The following ERMARD variants were observed in gnomAD, a reference collection of about 807,000 sequenced individuals.
ERMARD encodes ER membrane associated RNA degradation.
A neutral mutation model predicts 83.9 loss-of-function variants in ERMARD; 71 were observed. The ratio of observed to expected loss-of-function variants is 0.85; its 90% confidence interval spans 0.70 to 1.03. The LOEUF is 1.03. ERMARD is among the 50% of genes least tolerant of loss of function. The probability of loss-of-function intolerance (pLI) is 0.00; values close to 1 mark genes in which losing one functional copy is unlikely to be tolerated. For missense variants in ERMARD, 838 were observed against 810.9 expected (o/e 1.03, Z -0.41); for synonymous variants, 284 against 298.6 (o/e 0.95, Z 0.50).
At position 169,753,932 on chromosome 6, in the gene ERMARD, G is replaced by C; in HGVS notation, c.75G>C (p.Gly25=). ...TGTATGATATAATTTGTAATCTTGG[G>C]TTTCAACTCAGAGAAAATTGTGATA... ...PSVYDIICNL[G]FQLRENCDIN... Residue 25 remains glycine, a synonymous_variant, in exon 2 of 18, where the codon GGG becomes GGC. Coordinates refer to ENST00000366773, the MANE Select transcript of ERMARD (RefSeq NM_018341.3). The C allele has an allele frequency of 6.2e-7, 1 of 1,613,466 alleles. No homozygotes were observed. Among genetic ancestry groups the C allele is most frequent in the Admixed American group, 1.7e-5 (1 of 59,974 alleles).
intron 17 of ERMARD, among the ~76,000 whole-genome samples, chr6:169,780,986 G>A (rs1794138851): frequency 6.6e-6 from 1 of 152,096 alleles, no homozygotes; most frequent in African/African-American, 2.4e-5. Context: ...TGTTTATTTT[G>A]TGCTGTGTGT....
chr6:169,762,858 A>G (rs1791729743), intron 9 of ERMARD, among the ~76,000 whole-genome samples: 1 of 152,178 alleles, frequency 6.6e-6, no homozygotes, highest in South Asian at 2.1e-4. Context: ...GACTGAGGTG[A>G]CCAGTGGTTG....
intron 15 of ERMARD, 146 bp downstream of exon 15, chr6:169,776,211 A>T: frequency 6.6e-7 from 1 of 1,513,454 alleles, no homozygotes; most frequent in Non-Finnish European, 9.0e-7. Context: ...GAATTATGAG[A>T]TAAGTTTTGA....
intron 8 of ERMARD, 74 bp from the exon 9 acceptor site, chr6:169,762,355 A>G (rs929804098): frequency 6.6e-6 from 9 of 1,372,742 alleles, no homozygotes; most frequent in Admixed American, 3.5e-5. Context: ...GATTACAGGC[A>G]TGAGCCACTG....
intron 9 of ERMARD, 74 bp downstream of exon 9, chr6:169,762,605 T>C: frequency 7.9e-7 from 1 of 1,266,290 alleles, no homozygotes; most frequent in Non-Finnish European, 1.1e-6. Flanking sequence ...TTAAAAGTTT[T>C]TAAAAATGTT....
Position 169,756,400 on chromosome 6 carries a change from A to G in ERMARD, c.378A>G (p.Leu126=), listed in dbSNP as rs1036373761. 3 of 1,611,966 alleles carry G rather than the reference A, an allele frequency of 1.9e-6. No homozygotes were observed. The highest frequency in any genetic ancestry group is 1.3e-5 in the African/African-American group (1 of 74,858). The part of the protein sequence containing the change: ...SLQSPAISLS[L]MKLTSCLERA... ...AATCTCCTGCTATTTCTCTTAGCTT[A>G]ATGAAACTGACATCGTGTCTAGAAC... The change falls in exon 4 of 18, where the codon TTA becomes TTG. Residue 126 remains leucine, a synonymous_variant. Coordinates refer to ENST00000366773, the MANE Select transcript of ERMARD (RefSeq NM_018341.3).
intron 16 of ERMARD, among the ~76,000 whole-genome samples, chr6:169,778,980 C>T (rs571999521): frequency 3.1e-4 from 47 of 152,324 alleles, no homozygotes; most frequent in Non-Finnish European, 3.4e-4. Flanking sequence ...CAGGATGGGC[C>T]GGGAGCAAGG....
intron 14 of ERMARD, 50 bp downstream of exon 14, chr6:169,775,396 T>C (rs776065240): frequency 6.3e-7 from 1 of 1,578,472 alleles, no homozygotes; most frequent in Non-Finnish European, 8.7e-7. Flanking sequence ...CTGGTACTAT[T>C]AGTTTCAGCA....
intron 8 of ERMARD, 147 bp downstream of exon 8, chr6:169,760,903 C>A: frequency 3.9e-6 from 2 of 512,800 alleles, no homozygotes; most frequent in Non-Finnish European, 7.0e-6. Context: ...AAAACACCTT[C>A]ATAGAGTCGC....
chr6:169,773,498 T>G, intron 13 of ERMARD, 96 bp downstream of exon 13: 1 of 1,265,732 alleles, frequency 7.9e-7, no homozygotes, highest in African/African-American at 1.5e-5. Flanking sequence ...GCTTGCTGAG[T>G]CAGACTTTGA....
intron 1 of ERMARD, among the ~76,000 whole-genome samples, chr6:169,752,400 C>T (rs981827948): frequency 6.6e-6 from 1 of 152,156 alleles, no homozygotes; most frequent in African/African-American, 2.4e-5. Context: ...AGGAATGATT[C>T]AAATTTAAGT....
At chr6:169,757,568 T>C (rs1790974987) in intron 5 of ERMARD, among the ~76,000 whole-genome samples, 1 of 152,188 alleles carries the variant, frequency 6.6e-6, no homozygotes, top group South Asian at 2.1e-4. Flanking sequence ...AAAAAAATCA[T>C]GCAGTTACTA....
At chr6:169,766,517 G>GT in intron 9 of ERMARD, 121 bp from the exon 10 acceptor site, 1 of 681,864 alleles carries the variant, frequency 1.5e-6, no homozygotes, top group Non-Finnish European at 2.4e-6. Context: ...ATGAATGTTT[G>GT]TTTTAACAAA....
chr6:169,781,202 C>T, intron 17 of ERMARD, 128 bp from the exon 18 acceptor site: 1 of 825,804 alleles, frequency 1.2e-6, no homozygotes, highest in Non-Finnish European at 1.8e-6. Flanking sequence ...ATTTATTTTT[C>T]TTGAATCCTC....
intron 2 of ERMARD, among the ~76,000 whole-genome samples, chr6:169,754,875 A>G (rs891991353): frequency 1.3e-5 from 2 of 152,210 alleles, no homozygotes; most frequent in Non-Finnish European, 2.9e-5. Flanking sequence ...TAGAAATCTC[A>G]GCCTAATAAC....
At chr6:169,772,892 G>A (rs559824965) in intron 12 of ERMARD, among the ~76,000 whole-genome samples, 9,053 of 151,924 alleles carry the variant, frequency 0.06, 491 homozygotes, top group East Asian at 0.16. Context: ...TAAGTTATGT[G>A]GTTATATCAG....
chr6:169,774,251 T>TA (rs1321292270), intron 13 of ERMARD, among the ~76,000 whole-genome samples: 4 of 152,030 alleles, frequency 2.6e-5, no homozygotes, highest in Non-Finnish European at 5.9e-5. Flanking sequence ...TTAAGGAAAA[T>TA]ACGGTCAGAA....
In ERMARD at chr6:169,773,884, C is replaced by T. The variant is rs1005704998; in HGVS notation, c.1317+482C>T. 7.9e-5 allele frequency among the ~76,000 whole-genome samples: 12 copies of T among 152,236 alleles called. No individual in the cohort carries two copies. In the South Asian group the frequency reaches 1.9e-3, roughly 24 times the overall value. The stretch of plus-strand genomic sequence containing the variant: ...GCTTTATTCTACATACGGGAGGATA[C>T]AAGGGTAGTGCAAGGGGATGAAAGA... On this transcript the variant is annotated intron_variant, in intron 13 of 17. Coordinates refer to ENST00000366773, the MANE Select transcript of ERMARD (RefSeq NM_018341.3).
In ERMARD at chr6:169,762,428, GGTTT is replaced by G; in HGVS notation, c.859_862del (p.Phe287LeufsTer8). On this transcript the variant is annotated frameshift_variant and splice_region_variant, in exon 9 of 18. Coordinates refer to ENST00000366773, the MANE Select transcript of ERMARD (RefSeq NM_018341.3). LOFTEE classifies it high-confidence loss of function. Reference sequence around the variant, plus strand: ...TACCTCTTTTCCCTTCAATTTCATAGGTTTGCTGACTGCGCCATATTGTTGCTGA... The same window carrying G: ...TACCTCTTTTCCCTTCAATTTCATAGGCTGACTGCGCCATATTGTTGCTGA... 2 of 1,612,904 alleles carry G rather than the reference GGTTT, an allele frequency of 1.2e-6. No individual in the cohort carries two copies. The highest frequency in any genetic ancestry group is 1.7e-6 in the Non-Finnish European group (2 of 1,179,510).
Sources: allele counts gnomAD v4.1 joint callset (sites outside exome capture counted in the v4.1 genomes callset), GRCh38; gene constraint gnomAD v4.1.1; transcripts MANE v1.5; gene names NCBI Gene and HGNC (gene_info 2026-07-23, HGNC 2026-07-21).